Variants in SDK1 observed in about 807,000 individuals in gnomAD.
The protein encoded by SDK1 is sidekick cell adhesion molecule 1.
Under a neutral mutation model 245.5 loss-of-function variants are expected in SDK1, and 157 were observed. The ratio of observed to expected loss-of-function variants is 0.64; its 90% CI spans 0.56 to 0.73. SDK1 has a LOEUF of 0.73. SDK1 is among the 30% of genes least tolerant of loss of function. The probability of loss-of-function intolerance (pLI) is 0.00; values close to 1 mark genes in which losing one functional copy is unlikely to be tolerated. For missense variants in SDK1, 3,583 were observed against 3,002.3 expected (o/e 1.19, Z -4.52); for synonymous variants, 1,647 against 1,278.5 (o/e 1.29, Z -6.15).
intron 1 of SDK1, among the ~76,000 whole-genome samples, chr7:3,481,774 C>T (rs1781530451): frequency 6.6e-6 from 1 of 152,186 alleles, no homozygotes; most frequent in African/African-American, 2.4e-5. Context: ...TTGTCATTTG[C>T]TCCAGGGCAT....
intron 4 of SDK1, among the ~76,000 whole-genome samples, chr7:3,668,001 T>C (rs1272607018): frequency 6.6e-6 from 1 of 152,130 alleles, no homozygotes; most frequent in Non-Finnish European, 1.5e-5. Context: ...TTATTTAACT[T>C]TATAAGAAAC....
intron 5 of SDK1, among the ~76,000 whole-genome samples, chr7:3,892,146 C>G (rs1781476025): frequency 6.6e-6 from 1 of 152,198 alleles, no homozygotes; most frequent in African/African-American, 2.4e-5. Context: ...AAACCCAAAA[C>G]CAATGACCCA....
At chr7:3,642,804 G>A (rs533845707) in intron 4 of SDK1, 1 of 152,268 alleles carries the variant, frequency 6.6e-6, no homozygotes, top group Non-Finnish European at 1.5e-5. Flanking sequence ...CTAATTTAAA[G>A]ACAATATTCC....
chr7:3,341,435 T>C (rs1435614958), intron 1 of SDK1, among the ~76,000 whole-genome samples: 1 of 152,144 alleles, frequency 6.6e-6, no homozygotes, highest in Non-Finnish European at 1.5e-5. Flanking sequence ...TCCTCTCAGG[T>C]TGGGAACAAG....
At chr7:3,466,966 TC>T (rs1296481105) in intron 1 of SDK1, among the ~76,000 whole-genome samples, 4 of 121,848 alleles carry the variant, frequency 3.3e-5, no homozygotes, top group African/African-American at 1.4e-4. Flanking sequence ...GAAATCTCTC[TC>T]CTCTCTCTCT....
intron 1 of SDK1, among the ~76,000 whole-genome samples, chr7:3,505,758 C>G (rs1310132497): frequency 6.6e-6 from 1 of 152,196 alleles, no homozygotes; most frequent in Non-Finnish European, 1.5e-5. Flanking sequence ...GATGCAAAAC[C>G]TGTAGATGTG....
At chr7:4,157,460 G>GGGAGGGAAGGAA (rs1780825410) in intron 30 of SDK1, among the ~76,000 whole-genome samples, 1 of 28,596 alleles carries the variant, frequency 3.5e-5, no homozygotes, top group Admixed American at 3.7e-4. Context: ...GGAGGTGGAA[G>GGGAGGGAAGGAA]GGAGAGAAGG....
intron 44 of SDK1, among the ~76,000 whole-genome samples, chr7:4,252,178 G>A (rs889617506): frequency 1.8e-4 from 28 of 151,816 alleles, no homozygotes; most frequent in African/African-American, 6.5e-4. Flanking sequence ...TTTAACATTA[G>A]GTATATCTCC....
At chr7:3,950,779 C>G (rs1167271534) in intron 5 of SDK1, 144 bp from the exon 6 acceptor site, 1 of 624,108 alleles carries the variant, frequency 1.6e-6, no homozygotes, top group Non-Finnish European at 2.9e-6. Context: ...CATCATACAT[C>G]AGGGACAATT....
At chr7:4,254,979 C>T (rs946535958) in intron 44 of SDK1, among the ~76,000 whole-genome samples, 1 of 152,228 alleles carries the variant, frequency 6.6e-6, no homozygotes, top group Non-Finnish European at 1.5e-5. Context: ...ACCTCCACTA[C>T]GTGCTAGCTC....
chr7:4,265,561 A>C lies in SDK1; in HGVS notation c.*177A>C, dbSNP rs537757613. ...GATTTCAATTAGGAAGGTTTTTTTAAACGGCTTTTTGTAACTTCGCTGCAG... is the reference window on the plus strand; with the variant it reads ...GATTTCAATTAGGAAGGTTTTTTTACACGGCTTTTTGTAACTTCGCTGCAG... On this transcript the variant is annotated 3_prime_UTR_variant, in exon 45 of 45. Transcript: ENST00000404826. 2.0e-5 allele frequency: 27 copies of C among 1,343,920 alleles called. No homozygotes were observed. In the South Asian group the frequency reaches 5.2e-4, roughly 26 times the overall value. 83.2% of individuals were successfully genotyped at this position (1,343,920 alleles called of 1,614,324 possible). A position where few individuals can be genotyped will look rare whatever the true frequency, so the allele number is the denominator to read the frequency against.
intron 1 of SDK1, among the ~76,000 whole-genome samples, chr7:3,582,169 CCTCAGGTAGGCCTGT>C (rs1562579577): frequency 1.4e-5 from 2 of 147,934 alleles, no homozygotes; most frequent in Non-Finnish European, 3.0e-5. Flanking sequence ...GGTAGGTCTC[CCTCAGGTAGGCCTGT>C]CTCAGGTAGG....
At chr7:3,495,131 C>G (rs1781984711) in intron 1 of SDK1, among the ~76,000 whole-genome samples, 1 of 152,120 alleles carries the variant, frequency 6.6e-6, no homozygotes, top group Non-Finnish European at 1.5e-5. Context: ...AAGCTTGAAA[C>G]TGCAGTGTAA....
At chr7:3,427,950 A>T (rs1050596338) in intron 1 of SDK1, among the ~76,000 whole-genome samples, 2 of 151,984 alleles carry the variant, frequency 1.3e-5, no homozygotes, top group African/African-American at 4.8e-5. Context: ...TTTCTTCTCT[A>T]AACGTCGTTT....
At chr7:4,025,051 A>C (rs1481676989) in intron 17 of SDK1, among the ~76,000 whole-genome samples, 6 of 145,138 alleles carry the variant, frequency 4.1e-5, no homozygotes, top group Non-Finnish European at 9.1e-5. Flanking sequence ...CACACACACA[A>C]ACAGAGCATC....
chr7:4,080,558 A>G (rs960567432), intron 22 of SDK1, among the ~76,000 whole-genome samples: 3 of 152,210 alleles, frequency 2.0e-5, no homozygotes, highest in Admixed American at 2.0e-4. Context: ...AAGTTTCATT[A>G]AGCAAACATT....
chr7:3,449,310 T>C (rs1780441337), intron 1 of SDK1, among the ~76,000 whole-genome samples: 1 of 152,322 alleles, frequency 6.6e-6, no homozygotes, highest in Non-Finnish European at 1.5e-5. Flanking sequence ...TCCATACACA[T>C]CTTACTTTCA....
intron 4 of SDK1, among the ~76,000 whole-genome samples, chr7:3,679,491 C>T (rs539242310): frequency 5.9e-5 from 9 of 152,168 alleles, no homozygotes; most frequent in South Asian, 2.1e-4. Context: ...GGCGTGAACC[C>T]GGGAGGTGGA....
intron 1 of SDK1, among the ~76,000 whole-genome samples, chr7:3,552,510 A>G (rs976290425): frequency 1.3e-5 from 2 of 152,168 alleles, no homozygotes; most frequent in Non-Finnish European, 2.9e-5. Context: ...GCAAGGCAGA[A>G]TTTGCTCATA....
Sources: gnomAD v4.1 joint callset for allele counts (sites outside exome capture counted in the v4.1 genomes callset) on GRCh38, gnomAD v4.1.1 for gene constraint, MANE v1.5 for transcripts, NCBI Gene and HGNC (gene_info 2026-07-23, HGNC 2026-07-21) for gene names.